GPD2: variants seen among roughly 807,000 people sequenced by gnomAD.
GPD2 encodes the protein glycerol-3-phosphate dehydrogenase 2.
GPD2 carries 54 observed loss-of-function variants against 82.4 expected under a neutral mutation model. That is an observed-to-expected ratio of 0.66 (90% CI 0.53 to 0.82). The LOEUF (loss-of-function observed/expected upper bound fraction) is 0.82. Ranked by LOEUF, GPD2 falls within the 40% of genes least tolerant of loss-of-function variation. GPD2 has a pLI of 0.00. For synonymous variants in GPD2, 288 were observed against 306.1 expected (o/e 0.94, Z 0.62); for missense variants, 748 against 896.2 (o/e 0.83, Z 2.11).
At chr2:156,473,244 A>G (rs1430105033) in intron 1 of GPD2, among the ~76,000 whole-genome samples, 3 of 152,198 alleles carry the variant, frequency 2.0e-5, no homozygotes, top group Admixed American at 2.0e-4. Context: ...TATTATTGCT[A>G]ACTCTGCAAG....
intron 1 of GPD2, among the ~76,000 whole-genome samples, chr2:156,451,959 C>T (rs1283557399): frequency 3.4e-5 from 5 of 146,380 alleles, no homozygotes; most frequent in Non-Finnish European, 6.0e-5. Flanking sequence ...CCAGACGGGG[C>T]GGCGGGGCAG....
intron 2 of GPD2, among the ~76,000 whole-genome samples, chr2:156,487,056 A>C (rs1690485474): frequency 6.6e-6 from 1 of 152,228 alleles, no homozygotes; most frequent in Non-Finnish European, 1.5e-5. Context: ...CTGTAATCCC[A>C]GCACTTTAGG....
At chr2:156,484,593 A>G (rs564814903) in intron 2 of GPD2, among the ~76,000 whole-genome samples, 1 of 151,988 alleles carries the variant, frequency 6.6e-6, no homozygotes, top group Non-Finnish European at 1.5e-5. Context: ...TAATCCCAGC[A>G]CTTTGGGAGG....
chr2:156,547,136 AC>A (rs1482510316), intron 6 of GPD2, among the ~76,000 whole-genome samples: 2 of 152,228 alleles, frequency 1.3e-5, no homozygotes, highest in African/African-American at 4.8e-5. Flanking sequence ...TGCATTTGTC[AC>A]AGTGCCTGAT....
chr2:156,534,081 G>A (rs549763895), intron 6 of GPD2, among the ~76,000 whole-genome samples: 4 of 152,216 alleles, frequency 2.6e-5, no homozygotes, highest in Admixed American at 1.3e-4. Flanking sequence ...TAAATGCGGG[G>A]TGTCTTATTT....
intron 13 of GPD2, among the ~76,000 whole-genome samples, chr2:156,575,720 A>G (rs1687796900): frequency 6.6e-6 from 1 of 151,912 alleles, no homozygotes. Flanking sequence ...TTTCCTTTTT[A>G]GATAGAGCAA....
At chr2:156,521,867 A>C (rs1051164968) in intron 6 of GPD2, among the ~76,000 whole-genome samples, 1 of 152,182 alleles carries the variant, frequency 6.6e-6, no homozygotes, top group African/African-American at 2.4e-5. Flanking sequence ...GAATAGTTTT[A>C]ATCTTGATTT....
intron 6 of GPD2, among the ~76,000 whole-genome samples, chr2:156,536,004 T>C (rs1294095283): frequency 4.6e-5 from 7 of 152,202 alleles, no homozygotes; most frequent in African/African-American, 1.7e-4. Context: ...ATTAGTGGCT[T>C]ATTTATTTAT....
chr2:156,407,474 C>T, the GPD2 span, among the ~76,000 whole-genome samples: 2 of 152,050 alleles, frequency 1.3e-5, no homozygotes, highest in Non-Finnish European at 2.9e-5. Context: ...GCTCTATGTT[C>T]ATTTTTTAAA....
At chr2:156,415,889 C>T in the GPD2 span, among the ~76,000 whole-genome samples, 9 of 141,958 alleles carry the variant, frequency 6.3e-5, 1 homozygote, top group South Asian at 2.0e-3. Flanking sequence ...GGCGTAGTGG[C>T]GGGCGCCTGT....
At chr2:156,573,967 G>A (rs983065146) in intron 13 of GPD2, among the ~76,000 whole-genome samples, 14 of 152,164 alleles carry the variant, frequency 9.2e-5, no homozygotes, top group Non-Finnish European at 2.1e-4. Flanking sequence ...CTTGTATACT[G>A]AACATTGCAC....
At position 156,571,252 on chromosome 2, in the gene GPD2, T is replaced by C. The variant is rs777688272; in HGVS notation, c.1727T>C (p.Leu576Pro). ...GAAGCCCTACCCAGGATTGTTGAAC[T>C]GATGGGCAGGGAACTGAATTGGGAT... ...AEEALPRIVE[L>P]MGRELNWDDY... is the part of the protein sequence containing the mutation. The change falls in exon 13 of 17, where the codon CTG becomes CCG. Residue 576 changes from leucine (L) to proline (P), a missense_variant. By Grantham distance (98) the Leu-to-Pro change is moderately conservative. Coordinates refer to ENST00000438166, the MANE Select transcript of GPD2 (RefSeq NM_000408.5). 1 of 1,612,668 alleles carries C rather than the reference T, an allele frequency of 6.2e-7. No homozygotes were observed. The highest frequency in any genetic ancestry group is 8.5e-7 in the Non-Finnish European group (1 of 1,178,948).
intron 1 of GPD2, among the ~76,000 whole-genome samples, chr2:156,448,119 C>CT (rs34771172): frequency 0.33 from 47,449 of 145,926 alleles, 8,690 homozygotes; most frequent in Middle Eastern, 0.44. Context: ...GCAATTTTCC[C>CT]TTTTTTTTTT....
intron 3 of GPD2, among the ~76,000 whole-genome samples, chr2:156,500,753 G>A (rs550313810): frequency 1.7e-4 from 26 of 152,156 alleles, no homozygotes; most frequent in Non-Finnish European, 2.6e-4. Flanking sequence ...CAGACAAAAA[G>A]TCATGGAGTC....
intron 6 of GPD2, among the ~76,000 whole-genome samples, chr2:156,538,820 CAAA>C (rs34693625): frequency 9.1e-6 from 1 of 109,888 alleles, no homozygotes; most frequent in Non-Finnish European, 1.8e-5. Context: ...GACTGCATCT[CAAA>C]AAAAAAAAAA....
chr2:156,402,036 A>T, the GPD2 span, among the ~76,000 whole-genome samples: 2 of 152,216 alleles, frequency 1.3e-5, no homozygotes, highest in Non-Finnish European at 2.9e-5. Flanking sequence ...AACAGCTAAC[A>T]CATAGTAACT....
At chr2:156,457,322 G>A (rs536026171) in intron 1 of GPD2, among the ~76,000 whole-genome samples, 1 of 152,202 alleles carries the variant, frequency 6.6e-6, no homozygotes, top group Admixed American at 6.5e-5. Context: ...CTTCTTACAG[G>A]GAATATTTTT....
At chr2:156,574,854 C>A (rs1687761315) in intron 13 of GPD2, among the ~76,000 whole-genome samples, 2 of 152,138 alleles carry the variant, frequency 1.3e-5, no homozygotes, top group South Asian at 4.1e-4. Context: ...GCAAATAAGA[C>A]CTAATCTAGA....
chr2:156,466,214 A>G (rs1194704422), intron 1 of GPD2, among the ~76,000 whole-genome samples: 1 of 152,238 alleles, frequency 6.6e-6, no homozygotes, highest in South Asian at 2.1e-4. Flanking sequence ...AAATCCGTGA[A>G]TATATCTGGA....
Sources: gnomAD v4.1 joint callset for allele counts (sites outside exome capture counted in the v4.1 genomes callset) on GRCh38, gnomAD v4.1.1 for gene constraint, MANE v1.5 for transcripts, NCBI Gene and HGNC (gene_info 2026-07-23, HGNC 2026-07-21) for gene names.